Variants in SPACA7 observed in about 807,000 individuals in gnomAD.
The protein encoded by SPACA7 is sperm acrosome associated 7, also known as sperm acrosome-associated protein 7.
SPACA7 carries 19 observed loss-of-function variants against 26.3 expected under a neutral mutation model. That is an observed-to-expected ratio of 0.72 (90% confidence interval 0.50 to 1.06). SPACA7 has a LOEUF of 1.06. SPACA7 is among the 50% of genes least tolerant of loss of function. The probability of loss-of-function intolerance (pLI) is 0.00; values close to 1 mark genes in which losing one functional copy is unlikely to be tolerated. For missense variants in SPACA7, 211 were observed against 229.9 expected (o/e 0.92, Z 0.53); for synonymous variants, 84 against 84.5 (o/e 0.99, Z 0.04).
chr13:112,414,881 G>C (rs1183410610), intron 5 of SPACA7, among the ~76,000 whole-genome samples: 1 of 152,150 alleles, frequency 6.6e-6, no homozygotes, highest in Admixed American at 6.5e-5. Context: ...AATGTTCACT[G>C]GTGCCTGGGC....
intron 5 of SPACA7, among the ~76,000 whole-genome samples, chr13:112,414,773 T>A (rs1886584312): frequency 6.6e-6 from 1 of 152,232 alleles, no homozygotes; most frequent in Non-Finnish European, 1.5e-5. Context: ...TTCTCAGTCT[T>A]AAAGTCACAC....
intron 1 of SPACA7, among the ~76,000 whole-genome samples, chr13:112,390,462 A>G (rs1477012331): frequency 4.1e-5 from 6 of 145,542 alleles, no homozygotes; most frequent in Non-Finnish European, 7.4e-5. Flanking sequence ...TGTTAGCACA[A>G]TCCGAGAGCA....
chr13:112,392,112 C>T (rs1356839113), intron 1 of SPACA7, among the ~76,000 whole-genome samples: 1 of 152,188 alleles, frequency 6.6e-6, no homozygotes, highest in African/African-American at 2.4e-5. Flanking sequence ...AGCCCAACCT[C>T]GGGGCTGGAG....
chr13:112,403,471 T>C (rs1885774793), intron 5 of SPACA7, among the ~76,000 whole-genome samples: 1 of 152,152 alleles, frequency 6.6e-6, no homozygotes, highest in Non-Finnish European at 1.5e-5. Flanking sequence ...TGGTGTTTGG[T>C]TACATGAATA....
At chr13:112,396,292 C>T (rs12430446) in intron 2 of SPACA7, among the ~76,000 whole-genome samples, 38,554 of 151,350 alleles carry the variant, frequency 0.25, 4,966 homozygotes, top group South Asian at 0.37. Flanking sequence ...AACAATGGGG[C>T]AACCGAAGCC....
In SPACA7 at chr13:112,378,293, A is replaced by C. The variant is rs553221641; in HGVS notation, c.94+1814A>C. Among the ~76,000 whole-genome samples the C allele has an allele frequency of 2.6e-4, 40 of 152,376 alleles. No homozygotes were observed. The South Asian group carries it at 8.3e-3, about 32-fold the overall frequency. ...GTGGAGTTTATCAAAAGATAAAAAAAAGTAGAATACACAGGGTTATAACTC... is the reference window on the plus strand; with the variant it reads ...GTGGAGTTTATCAAAAGATAAAAAACAGTAGAATACACAGGGTTATAACTC... On this transcript the variant is annotated intron_variant, in intron 1 of 6. Transcript: ENST00000283550.
chr13:112,399,746 T>C (rs184202280), intron 4 of SPACA7, among the ~76,000 whole-genome samples: 7 of 152,354 alleles, frequency 4.6e-5, no homozygotes, highest in East Asian at 3.9e-4. Flanking sequence ...CTCACACTGC[T>C]ACAACGAACT....
chr13:112,432,035 G>A lies in SPACA7; in HGVS notation c.446-409G>A, dbSNP rs139028514. On this transcript the variant is annotated intron_variant, in intron 5 of 6. Coordinates refer to ENST00000283550, the MANE Select transcript of SPACA7 (RefSeq NM_145248.5). Reference sequence around the variant, plus strand: ...GAAATTCAGTGTCTGTAAAACCTGTGTCCGGGTCCAAGGACCACGGCTCAA... The same window carrying A: ...GAAATTCAGTGTCTGTAAAACCTGTATCCGGGTCCAAGGACCACGGCTCAA... Among the ~76,000 whole-genome samples, 52 of 152,338 alleles carry A rather than the reference G, an allele frequency of 3.4e-4. No individual in the cohort carries two copies. In the East Asian group the frequency reaches 8.9e-3, roughly 26 times the overall value.
At chr13:112,415,900 C>T (rs946445884) in intron 5 of SPACA7, among the ~76,000 whole-genome samples, 1 of 152,100 alleles carries the variant, frequency 6.6e-6, no homozygotes, top group Admixed American at 6.5e-5. Flanking sequence ...TCTGTGGGCA[C>T]TGGCCTGGAA....
chr13:112,378,362 T>C (rs1883827194), intron 1 of SPACA7, among the ~76,000 whole-genome samples: 1 of 152,216 alleles, frequency 6.6e-6, no homozygotes, highest in Admixed American at 6.5e-5. Context: ...AAAATATGGC[T>C]CTATGGTCAC....
At chr13:112,416,327 C>A (rs890938097) in intron 5 of SPACA7, among the ~76,000 whole-genome samples, 1 of 151,724 alleles carries the variant, frequency 6.6e-6, no homozygotes, top group Non-Finnish European at 1.5e-5. Flanking sequence ...GTCACTGTCA[C>A]CTGGGCTGGA....
At chr13:112,420,967 A>T (rs1875904288) in intron 5 of SPACA7, among the ~76,000 whole-genome samples, 1 of 152,178 alleles carries the variant, frequency 6.6e-6, no homozygotes, top group African/African-American at 2.4e-5. Context: ...CCAGAATTCT[A>T]TTCTCAGAGA....
At chr13:112,393,179 G>A (rs528311934) in intron 2 of SPACA7, 102 bp downstream of exon 2, 4 of 869,488 alleles carry the variant, frequency 4.6e-6, no homozygotes, top group East Asian at 2.5e-5. Context: ...TGCAGACAGT[G>A]GAGGGAACTG....
chr13:112,420,676 C>T (rs1449542850), intron 5 of SPACA7, among the ~76,000 whole-genome samples: 3 of 151,532 alleles, frequency 2.0e-5, no homozygotes, highest in African/African-American at 7.3e-5. Flanking sequence ...CTGAAAATGC[C>T]CAAAAGTAAT....
intron 1 of SPACA7, 143 bp downstream of exon 1, chr13:112,376,622 C>A: frequency 1.1e-6 from 1 of 903,280 alleles, no homozygotes; most frequent in Non-Finnish European, 1.6e-6. Context: ...GCTGAAAAGT[C>A]TTTCTATCTT....
intron 1 of SPACA7, 147 bp from the exon 2 acceptor site, chr13:112,392,874 A>G (rs1884983177): frequency 3.7e-6 from 2 of 542,396 alleles, no homozygotes; most frequent in African/African-American, 3.8e-5. Context: ...GCCATCTCTC[A>G]TCACCCGCAG....
chr13:112,393,064 G>A lies in SPACA7; in HGVS notation c.138G>A (p.Met46Ile). The A allele has an allele frequency of 6.2e-7, 1 of 1,612,964 alleles. No individual in the cohort carries two copies. Reference sequence around the variant, plus strand: ...CATTCAGTTCAAAACAGGAGGATATGTCTGAATTATTAGGTAAGGAAGCCC... The same window carrying A: ...CATTCAGTTCAAAACAGGAGGATATATCTGAATTATTAGGTAAGGAAGCCC... ...EIPFSSKQED[M>I]SELLDEILVQ... is the part of the protein sequence containing the mutation. Residue 46 changes from methionine to isoleucine, a missense_variant, in exon 2 of 7, where the codon ATG becomes ATA. By Grantham distance (10) the Met-to-Ile change is conservative. Coordinates refer to ENST00000283550, the MANE Select transcript of SPACA7 (RefSeq NM_145248.5).
At chr13:112,419,564 G>A (rs1886891489) in intron 5 of SPACA7, among the ~76,000 whole-genome samples, 2 of 152,184 alleles carry the variant, frequency 1.3e-5, no homozygotes, top group African/African-American at 4.8e-5. Context: ...CTGGGGATAG[G>A]AGTAAAAGCA....
chr13:112,386,118 A>T (rs995301182), intron 1 of SPACA7, among the ~76,000 whole-genome samples: 2 of 152,346 alleles, frequency 1.3e-5, no homozygotes. Context: ...TCTACTGCGC[A>T]TTTTATTGCG....
Sources: allele counts gnomAD v4.1 joint callset (sites outside exome capture counted in the v4.1 genomes callset), GRCh38; gene constraint gnomAD v4.1.1; transcripts MANE v1.5; gene names NCBI Gene and HGNC (gene_info 2026-07-23, HGNC 2026-07-21).